Variants in DSG1 observed in about 807,000 individuals in gnomAD.
The protein encoded by DSG1 is desmoglein-1.
Under a neutral mutation model 97.5 loss-of-function variants are expected in DSG1, and 39 were observed. That is an observed-to-expected ratio of 0.40 (90% CI 0.31 to 0.52). The LOEUF (loss-of-function observed/expected upper bound fraction) is 0.52, where lower values mean the gene tolerates loss of function less well. Among genes scored for constraint, DSG1 ranks in the 20% least tolerant of loss-of-function variants. The probability of loss-of-function intolerance (pLI) is 0.53; values close to 1 mark genes in which losing one functional copy is unlikely to be tolerated. For synonymous variants in DSG1, 475 were observed against 443.4 expected, an observed-to-expected ratio of 1.07 and a Z score of -0.90; for missense variants, 1,311 against 1,295.4, an observed-to-expected ratio of 1.01 and a Z score of -0.18.
intron 13 of DSG1, 26 bp from the exon 14 acceptor site, chr18:31,345,963 TA>T: frequency 6.3e-7 from 1 of 1,592,580 alleles, no homozygotes; most frequent in Non-Finnish European, 8.6e-7. Context: ...CTAAAGAAAA[TA>T]AATTTAATTT....
At chr18:31,319,291 G>A (rs1568037871) in intron 1 of DSG1, among the ~76,000 whole-genome samples, 2 of 152,184 alleles carry the variant, frequency 1.3e-5, no homozygotes, top group South Asian at 2.1e-4. Context: ...TTGGCAGGAT[G>A]TATAGTGCTG....
intron 10 of DSG1, among the ~76,000 whole-genome samples, 155 bp downstream of exon 10, chr18:31,338,609 G>A (rs2071769850): frequency 6.6e-6 from 1 of 152,184 alleles, no homozygotes; most frequent in Non-Finnish European, 1.5e-5. Flanking sequence ...ACTTGAGGCA[G>A]TATAATTTAG....
intron 8 of DSG1, among the ~76,000 whole-genome samples, chr18:31,335,819 T>C (rs1023566557): frequency 1.3e-5 from 2 of 150,632 alleles, no homozygotes; most frequent in African/African-American, 4.9e-5. Flanking sequence ...TCCTAGAACA[T>C]GTTGAAGAAA....
At chr18:31,332,153 G>A (rs2071725324) in intron 6 of DSG1, among the ~76,000 whole-genome samples, 1 of 151,954 alleles carries the variant, frequency 6.6e-6, no homozygotes, top group Non-Finnish European at 1.5e-5. Flanking sequence ...AGAATCTAAG[G>A]TAGAATCAAA....
intron 1 of DSG1, among the ~76,000 whole-genome samples, chr18:31,322,634 A>T (rs1222371912): frequency 2.6e-5 from 4 of 152,234 alleles, no homozygotes; most frequent in Non-Finnish European, 5.9e-5. Context: ...GGAGGTTTTT[A>T]AATAAAGCAA....
At chr18:31,333,873 A>C (rs766721896) in intron 7 of DSG1, 144 bp from the exon 8 acceptor site, 41 of 1,165,854 alleles carry the variant, frequency 3.5e-5, no homozygotes, top group Non-Finnish European at 5.0e-5. Flanking sequence ...ATGCAAGAAT[A>C]AATGGAGTTA....
intron 11 of DSG1, among the ~76,000 whole-genome samples, chr18:31,341,923 CTTTTGTTT>C (rs928894611): frequency 1.1e-4 from 16 of 144,216 alleles, no homozygotes; most frequent in East Asian, 2.0e-4. Flanking sequence ...TTTTTTTGTT[CTTTTGTTT>C]TTTTGTTTTT....
chr18:31,353,473 C>G (rs945565920), intron 14 of DSG1, among the ~76,000 whole-genome samples: 1 of 152,102 alleles, frequency 6.6e-6, no homozygotes, highest in Non-Finnish European at 1.5e-5. Context: ...GCAGGCAGGC[C>G]TCCTTGAGCT....
chr18:31,354,723 A>G lies in DSG1; in HGVS notation c.2527A>G (p.Thr843Ala). The change falls in exon 15 of 15, where the codon ACC becomes GCC. Residue 843 changes from threonine (T) to alanine (A), a missense_variant. Physicochemically the swap from Thr to Ala is moderately conservative, Grantham distance 58. Around this residue, in one of 3 missense-constraint regions of DSG1, gnomAD observed 1,038 missense variants for 964.6 expected, o/e 1.08. Coordinates refer to ENST00000257192, the MANE Select transcript of DSG1 (RefSeq NM_001942.4). ...GNVTVTESYT[T>A]SDTLKPSVHV... ...TGTCACTGTGACCGAGTCTTACACC[A>G]CCTCTGACACTCTGAAGCCCTCTGT... 6.2e-7 allele frequency: 1 copy of G among 1,613,748 alleles called. No homozygotes were observed. The highest frequency in any genetic ancestry group is 8.5e-7 in the Non-Finnish European group (1 of 1,179,958).
At chr18:31,341,592 C>A (rs2071789023) in intron 11 of DSG1, among the ~76,000 whole-genome samples, 1 of 152,096 alleles carries the variant, frequency 6.6e-6, no homozygotes, top group Non-Finnish European at 1.5e-5. Flanking sequence ...AGAGTTTATT[C>A]TTACTGGCTC....
Position 31,343,294 on chromosome 18 carries a change from T to C in DSG1, c.1688-156T>C. 3 of 1,027,622 alleles carry C rather than the reference T, an allele frequency of 2.9e-6. No homozygotes were observed. The South Asian group carries it at 3.9e-5, about 13-fold the overall frequency. 63.7% of individuals were successfully genotyped at this position (1,027,622 alleles called of 1,614,324 possible). A position where few individuals can be genotyped will look rare whatever the true frequency, so the allele number is the denominator to read the frequency against. ...ACAGAAGCTCCCATTTACTTTGGGG[T>C]CTGACCATCATTCAGCTTGTATTCT... On this transcript the variant is annotated intron_variant, in intron 11 of 14. Transcript: ENST00000257192.
intron 12 of DSG1, 90 bp downstream of exon 12, chr18:31,343,673 C>G (rs2071806367): frequency 6.4e-7 from 1 of 1,573,752 alleles, no homozygotes; most frequent in African/African-American, 1.3e-5. Context: ...CACTCACAGT[C>G]TATGCTGTTT....
intron 14 of DSG1, 38 bp from the exon 15 acceptor site, chr18:31,354,259 A>G (rs113433194): frequency 1.0e-4 from 163 of 1,561,684 alleles, no homozygotes; most frequent in African/African-American, 1.9e-4. Flanking sequence ...TTAAATATGC[A>G]TTCATAATTT....
chr18:31,324,291 CTTT>C (rs79009473), intron 1 of DSG1, among the ~76,000 whole-genome samples: 1 of 147,440 alleles, frequency 6.8e-6, no homozygotes, highest in Non-Finnish European at 1.5e-5. Flanking sequence ...CCTCTCCTTC[CTTT>C]TTTTTTTTTT....
intron 14 of DSG1, among the ~76,000 whole-genome samples, chr18:31,348,215 G>A (rs1415876394): frequency 3.5e-5 from 5 of 144,228 alleles, no homozygotes; most frequent in Admixed American, 1.5e-4. Context: ...GAGAATATGC[G>A]GTGTTTGGTT....
At position 31,327,010 on chromosome 18, in the gene DSG1, G is replaced by T; in HGVS notation, c.216+5G>T. 1 of 1,613,638 alleles carries T rather than the reference G, an allele frequency of 6.2e-7. No homozygotes were observed. Among genetic ancestry groups the T allele is most frequent in the Non-Finnish European group, 8.5e-7 (1 of 1,179,756 alleles). On this transcript the variant is annotated splice_donor_5th_base_variant and intron_variant, in intron 3 of 14. Transcript: ENST00000257192. ...AAGAGGAACCCAATCGCCAAAGTAG[G>T]TATCAACTCCAAAGCATAACATTGA... is the stretch of plus-strand genomic sequence containing the variant.
Position 31,336,629 on chromosome 18 carries a change from T to A in DSG1, c.1265+16T>A. Reference sequence around the variant, plus strand: ...CGACTGTTAGGTAAGAATGAGATTTTCAACTAATTTTCCTTACATATTGAA... The same window carrying A: ...CGACTGTTAGGTAAGAATGAGATTTACAACTAATTTTCCTTACATATTGAA... On this transcript the variant is annotated intron_variant, in intron 9 of 14. Coordinates refer to ENST00000257192, the MANE Select transcript of DSG1 (RefSeq NM_001942.4). The A allele has an allele frequency of 1.9e-6, 3 of 1,613,834 alleles. No individual in the cohort carries two copies. Among genetic ancestry groups the A allele is most frequent in the Non-Finnish European group, 2.5e-6 (3 of 1,179,814 alleles).
chr18:31,330,391 G>A (rs531293236), intron 5 of DSG1, among the ~76,000 whole-genome samples: 4 of 152,094 alleles, frequency 2.6e-5, no homozygotes, highest in East Asian at 1.9e-4. Context: ...CTCTTACTGC[G>A]TTTTTTCCCC....
intron 1 of DSG1, 46 bp from the exon 2 acceptor site, chr18:31,326,535 G>A (rs768274945): frequency 2.1e-5 from 29 of 1,375,714 alleles, no homozygotes; most frequent in Admixed American, 3.4e-5. Context: ...AAATTTTAAA[G>A]CATTTAATTA....
Sources: gnomAD v4.1 joint callset for allele counts (sites outside exome capture counted in the v4.1 genomes callset) on GRCh38, gnomAD v4.1.1 for gene constraint, gnomAD v4.1.1 regional missense constraint, MANE v1.5 for transcripts, NCBI Gene and HGNC (gene_info 2026-07-23, HGNC 2026-07-21) for gene names.